The following NRG1 variants were observed in gnomAD, a reference collection of about 807,000 sequenced individuals.
NRG1 encodes the protein neuregulin 1.
Under a neutral mutation model 63.8 loss-of-function variants are expected in NRG1, and 18 were observed. The ratio of observed to expected loss-of-function variants is 0.28; its 90% confidence interval spans 0.19 to 0.42. NRG1 has a LOEUF of 0.42. Ranked by LOEUF, NRG1 falls within the 10% of genes least tolerant of loss-of-function variation. The pLI is 1.00. For synonymous variants in NRG1, 302 were observed against 301.3 expected (o/e 1.00, Z -0.02); for missense variants, 762 against 814.7 (o/e 0.94, Z 0.79).
At chr8:32,145,134 A>T (rs910925401) in intron 1 of NRG1, among the ~76,000 whole-genome samples, 1 of 152,216 alleles carries the variant, frequency 6.6e-6, no homozygotes, top group African/African-American at 2.4e-5. Flanking sequence ...ATATAACCAC[A>T]TTCAACCACA....
intron 1 of NRG1, among the ~76,000 whole-genome samples, chr8:31,891,682 C>T (rs980353859): frequency 2.6e-5 from 4 of 152,132 alleles, no homozygotes; most frequent in Non-Finnish European, 2.9e-5. Flanking sequence ...GAAACCTGTA[C>T]GCTAATGTTG....
At chr8:32,335,134 G>T (rs2129477861) in intron 1 of NRG1, among the ~76,000 whole-genome samples, 1 of 152,232 alleles carries the variant, frequency 6.6e-6, no homozygotes, top group South Asian at 2.1e-4. Flanking sequence ...GTGGTAATTT[G>T]CAGAGAATGA....
chr8:32,585,963 A>G (rs1588497189), intron 1 of NRG1, among the ~76,000 whole-genome samples: 1 of 152,134 alleles, frequency 6.6e-6, no homozygotes, highest in Admixed American at 6.6e-5. Flanking sequence ...GTGTGACTAT[A>G]GACAGGTTAC....
chr8:32,402,496 C>A (rs1386684593), intron 1 of NRG1, among the ~76,000 whole-genome samples: 1 of 152,148 alleles, frequency 6.6e-6, no homozygotes, highest in African/African-American at 2.4e-5. Context: ...TGCCCTGTCC[C>A]ACTCTGTCCC....
intron 1 of NRG1, among the ~76,000 whole-genome samples, chr8:32,086,355 G>A (rs1186292537): frequency 1.3e-5 from 2 of 152,206 alleles, no homozygotes; most frequent in Non-Finnish European, 2.9e-5. Context: ...GTTTCTGAGA[G>A]TGTCTCCGCA....
chr8:32,121,786 A>G (rs1833487503), intron 1 of NRG1, among the ~76,000 whole-genome samples: 1 of 152,014 alleles, frequency 6.6e-6, no homozygotes, highest in Non-Finnish European at 1.5e-5. Context: ...AGGCCCCAGC[A>G]ATAGACCCCA....
At chr8:32,042,690 A>G (rs1212019228) in intron 1 of NRG1, among the ~76,000 whole-genome samples, 1 of 152,146 alleles carries the variant, frequency 6.6e-6, no homozygotes, top group Non-Finnish European at 1.5e-5. Context: ...AGGTCTCAAC[A>G]AAGAAATAAA....
At chr8:32,220,643 C>A (rs1845713011) in intron 1 of NRG1, among the ~76,000 whole-genome samples, 1 of 152,108 alleles carries the variant, frequency 6.6e-6, no homozygotes, top group African/African-American at 2.4e-5. Context: ...AGATATTTTC[C>A]AAAAATATCC....
chr8:31,979,982 G>A (rs1048364961), intron 1 of NRG1, among the ~76,000 whole-genome samples: 1 of 151,878 alleles, frequency 6.6e-6, no homozygotes, highest in African/African-American at 2.4e-5. Flanking sequence ...CATTTTCTAT[G>A]CACTTTACAA....
chr8:31,935,850 C>T (rs1445559496), intron 1 of NRG1, among the ~76,000 whole-genome samples: 1 of 152,176 alleles, frequency 6.6e-6, no homozygotes, highest in African/African-American at 2.4e-5. Flanking sequence ...CGTAAGGCTC[C>T]ATGAGAGGCT....
At chr8:31,650,352 C>T (rs1408891689) in intron 1 of NRG1, among the ~76,000 whole-genome samples, 4 of 152,176 alleles carry the variant, frequency 2.6e-5, no homozygotes, top group African/African-American at 9.7e-5. Flanking sequence ...AACTCAAGAT[C>T]TCAACATTCA....
At chr8:32,424,289 G>T (rs1485674038) in intron 1 of NRG1, among the ~76,000 whole-genome samples, 4 of 152,016 alleles carry the variant, frequency 2.6e-5, no homozygotes, top group Non-Finnish European at 4.4e-5. Flanking sequence ...GTGTGAGCAG[G>T]TCACTCAGCC....
intron 7 of NRG1, chr8:32,749,245 T>C (rs1828195480): frequency 2.9e-6 from 1 of 350,396 alleles, no homozygotes; most frequent in Non-Finnish European, 5.1e-6. Context: ...AGATAATCTT[T>C]CCATTCCCAC....
At chr8:32,435,313 CT>C (rs1680531557) in intron 1 of NRG1, among the ~76,000 whole-genome samples, 1 of 152,128 alleles carries the variant, frequency 6.6e-6, no homozygotes, top group Admixed American at 6.6e-5. Context: ...CAAAAAATTT[CT>C]TCCCAATAAC....
At chr8:32,094,949 G>C (rs1481628726) in intron 1 of NRG1, among the ~76,000 whole-genome samples, 2 of 134,346 alleles carry the variant, frequency 1.5e-5, no homozygotes, top group East Asian at 4.3e-4. Context: ...GTCTCGCTCT[G>C]TCGCCAGGCT....
chr8:32,519,707 A>T (rs995321493), intron 1 of NRG1, among the ~76,000 whole-genome samples: 1 of 152,150 alleles, frequency 6.6e-6, no homozygotes, highest in African/African-American at 2.4e-5. Context: ...ATAATACAGG[A>T]GATTCCAGGA....
In NRG1 at chr8:32,530,130, C is replaced by T. The variant is rs190884135; in HGVS notation, c.38-65698C>T. On this transcript the variant is annotated intron_variant, in intron 1 of 10. Coordinates refer to the NRG1 transcript ENST00000519301. ...CCTTTTTTTTTTCTTTTTTTTGAGG[C>T]GGAGTCTCACTCTGTCGCCCAGGCT... Among the ~76,000 whole-genome samples the T allele has an allele frequency of 6.0e-5, 9 of 150,796 alleles. No homozygotes were observed. In the South Asian group the frequency reaches 6.3e-4, roughly 11 times the overall value.
At chr8:32,303,083 G>A (rs1855766856) in intron 1 of NRG1, among the ~76,000 whole-genome samples, 1 of 149,226 alleles carries the variant, frequency 6.7e-6, no homozygotes, top group South Asian at 2.1e-4. Context: ...TCAGAAGGCT[G>A]AGGCAGGAGA....
At chr8:32,148,254 G>A (rs1291502170) in intron 1 of NRG1, among the ~76,000 whole-genome samples, 1 of 152,150 alleles carries the variant, frequency 6.6e-6, no homozygotes, top group Non-Finnish European at 1.5e-5. Flanking sequence ...AGCCAGTAGA[G>A]CTGAGGCAGG....
Sources: gnomAD v4.1 joint callset for allele counts (sites outside exome capture counted in the v4.1 genomes callset) on GRCh38, gnomAD v4.1.1 for gene constraint, MANE v1.5 for transcripts, NCBI Gene and HGNC (gene_info 2026-07-23, HGNC 2026-07-21) for gene names.